NRK: variants seen among roughly 807,000 people sequenced by gnomAD.
The protein encoded by NRK is Nik related kinase, also known as nik-related protein kinase.
NRK carries 67 observed loss-of-function variants against 125.2 expected under a neutral mutation model. The ratio of observed to expected loss-of-function variants is 0.54; its 90% CI spans 0.44 to 0.66. The LOEUF is 0.66. Among genes scored for constraint, NRK ranks in the 30% least tolerant of loss-of-function variants. NRK has a pLI of 0.00. For synonymous variants in NRK, 458 were observed against 429.0 expected, an observed-to-expected ratio of 1.07 and a Z score of -0.84; for missense variants, 1,224 against 1,192.9, an observed-to-expected ratio of 1.03 and a Z score of -0.38.
chrX:105,865,875 CAG>C (rs772577809), intron 2 of NRK, among the ~76,000 whole-genome samples: 3 of 109,924 alleles, frequency 2.7e-5, no homozygotes, highest in African/African-American at 9.9e-5. Context: ...TCGGTCAGCT[CAG>C]GGGAAAACCA....
intron 2 of NRK, among the ~76,000 whole-genome samples, chrX:105,835,438 C>T (rs1235766091): frequency 9.0e-6 from 1 of 110,974 alleles, no homozygotes; most frequent in African/African-American, 3.3e-5. Context: ...ATTAAGTTCT[C>T]ATTGGCCTGG....
chrX:105,940,042 A>AT lies in NRK; in HGVS notation c.3958+13dup. On this transcript the variant is annotated intron_variant, in intron 23 of 28. Transcript: ENST00000243300. ...GAACACTTCAGTGTCCGTAAGCCACATTTCATGTTTACTACAGCTATATAA... is the reference window on the plus strand; with the variant it reads ...GAACACTTCAGTGTCCGTAAGCCACATTTTCATGTTTACTACAGCTATATAA... 8.8e-7 allele frequency: 1 copy of AT among 1,136,158 alleles called. No individual in the cohort carries two copies. The allele number at this position is 1,136,158 out of a possible 1,213,427, so 93.6% of individuals were successfully genotyped here. A position where few individuals can be genotyped will look rare whatever the true frequency, so the allele number is the denominator to read the frequency against.
At chrX:105,878,509 G>T (rs1198081788) in intron 2 of NRK, among the ~76,000 whole-genome samples, 1 of 111,418 alleles carries the variant, frequency 9.0e-6, no homozygotes, top group Non-Finnish European at 1.9e-5. Context: ...TGATAAAAGA[G>T]AAAATTGTTT....
chrX:105,826,234 CAT>C (rs1274646774), intron 1 of NRK, among the ~76,000 whole-genome samples: 2 of 79,671 alleles, frequency 2.5e-5, no homozygotes, highest in East Asian at 3.6e-4. Flanking sequence ...AATATATTAT[CAT>C]ATATAATATA....
At chrX:105,869,208 T>C (rs1283809855) in intron 2 of NRK, among the ~76,000 whole-genome samples, 1 of 111,357 alleles carries the variant, frequency 9.0e-6, no homozygotes, top group East Asian at 2.8e-4. Context: ...ACAGTCTACA[T>C]GTAAAAGTAG....
chrX:105,874,614 C>T (rs1047505751), intron 2 of NRK, among the ~76,000 whole-genome samples: 2 of 111,998 alleles, frequency 1.8e-5, no homozygotes, highest in African/African-American at 6.5e-5. Flanking sequence ...ACAAGATTTT[C>T]CTGCATTGGT....
intron 12 of NRK, 45 bp downstream of exon 12, chrX:105,908,348 C>A: frequency 1.5e-6 from 1 of 667,004 alleles, no homozygotes; most frequent in Non-Finnish European, 2.2e-6. Context: ...TAGCAATTCA[C>A]ATAAGGCCGT....
upstream of NRK, among the ~76,000 whole-genome samples, chrX:105,821,923 C>T (rs1434049502): frequency 8.9e-6 from 1 of 111,880 alleles, no homozygotes; most frequent in East Asian, 2.9e-4. Context: ...CCATTCTGCT[C>T]TTGCCCTCGG....
chrX:105,856,539 A>G (rs1170660665), intron 2 of NRK, among the ~76,000 whole-genome samples: 1 of 111,241 alleles, frequency 9.0e-6, no homozygotes, highest in African/African-American at 3.3e-5. Flanking sequence ...GGTCATTCCA[A>G]TTTCAGTAAA....
At chrX:105,895,121 G>A in intron 6 of NRK, 1 of 458,962 alleles carries the variant, frequency 2.2e-6, no homozygotes, top group Non-Finnish European at 3.8e-6. Context: ...TTACTCTTAT[G>A]GCTAGTTGGA....
At chrX:105,866,926 G>T (rs1208878261) in intron 2 of NRK, among the ~76,000 whole-genome samples, 1 of 110,249 alleles carries the variant, frequency 9.1e-6, no homozygotes, top group Non-Finnish European at 1.9e-5. Context: ...TTCTTTGGTA[G>T]CCCTAGATTT....
Position 105,905,300 on chromosome X carries a change from G to T in NRK, c.802G>T (p.Val268Phe), listed in dbSNP as rs879071844. 1 of 1,206,595 alleles carries T rather than the reference G, an allele frequency of 8.3e-7. No individual in the cohort carries two copies. The highest frequency in any genetic ancestry group is 1.1e-6 in the Non-Finnish European group (1 of 891,719). The change falls in exon 10 of 29, where the codon GTT becomes TTT. Residue 268 changes from valine to phenylalanine, a missense_variant. Physicochemically the swap from Val to Phe is conservative, Grantham distance 50 (BLOSUM62 -1). Coordinates refer to ENST00000243300, the MANE Select transcript of NRK (RefSeq NM_198465.4). ...CCTTCAACCCTTGGAAGCTCTCTTC[G>T]TTATTTTGCGGGAATCTGCTCCCAC... ...CNLQPLEALF[V>F]ILRESAPTVK...
rs184832265 is a variant in NRK, at chrX:105,830,761, T to C, written c.58-293T>C. On this transcript the variant is annotated intron_variant, in intron 1 of 28. Transcript: ENST00000243300. Reference sequence around the variant, plus strand: ...AAAGCCAAATGCCACATGTTTTCACTCATAGGTGGGAATTGAACAATGAGA... The same window carrying C: ...AAAGCCAAATGCCACATGTTTTCACCCATAGGTGGGAATTGAACAATGAGA... Among the ~76,000 whole-genome samples the C allele has an allele frequency of 1.1e-4, 11 of 103,694 alleles. No homozygotes were observed. The East Asian group carries it at 3.4e-3, about 32-fold the overall frequency. The allele number at this position is 103,694 out of a possible 115,157, so 90.0% of individuals were successfully genotyped here.
intron 4 of NRK, 91 bp downstream of exon 4, chrX:105,881,870 T>G: frequency 2.1e-6 from 1 of 486,518 alleles, no homozygotes; most frequent in Non-Finnish European, 3.6e-6. Context: ...TCATTATCTC[T>G]AGAAGACTGC....
Position 105,953,858 on chromosome X carries a change from A to T in NRK, c.4653+685A>T, listed in dbSNP as rs183459266. On this transcript the variant is annotated intron_variant, in intron 28 of 28. Transcript: ENST00000243300. The stretch of plus-strand genomic sequence containing the variant: ...AATAGTCCTAATAGGATTAGGAAAC[A>T]TTCATGTTGAGAAGAGATTGCAGAG... Among the ~76,000 whole-genome samples the T allele has an allele frequency of 1.9e-3, 212 of 111,538 alleles. 1 individual carries two copies. Among genetic ancestry groups the T allele is most frequent in the African/African-American group, 6.6e-3 (204 of 30,732 alleles).
chrX:105,922,274 T>C (rs2040462248), intron 17 of NRK, among the ~76,000 whole-genome samples: 1 of 111,888 alleles, frequency 8.9e-6, no homozygotes, highest in Non-Finnish European at 1.9e-5. Flanking sequence ...AATCAGAGAA[T>C]ATTTTATTTT....
chrX:105,864,270 A>G (rs1241157420), intron 2 of NRK, among the ~76,000 whole-genome samples: 1 of 111,467 alleles, frequency 9.0e-6, no homozygotes, highest in Non-Finnish European at 1.9e-5. Context: ...TAGTACATCT[A>G]GTTACCCTGA....
chrX:105,948,129 A>G (rs1465278161), intron 26 of NRK, among the ~76,000 whole-genome samples: 1 of 111,046 alleles, frequency 9.0e-6, no homozygotes, highest in Non-Finnish European at 1.9e-5. Context: ...CTAGTGCAGT[A>G]TTGAACTTTG....
intron 5 of NRK, among the ~76,000 whole-genome samples, chrX:105,889,775 G>T (rs1378949259): frequency 8.9e-6 from 1 of 112,341 alleles, no homozygotes; most frequent in Non-Finnish European, 1.9e-5. Flanking sequence ...CAGCTGGAGT[G>T]GCTGGGACAC....
Sources: allele counts gnomAD v4.1 joint callset (sites outside exome capture counted in the v4.1 genomes callset), GRCh38; gene constraint gnomAD v4.1.1; transcripts MANE v1.5; gene names NCBI Gene and HGNC (gene_info 2026-07-23, HGNC 2026-07-21).